COLEC12: variants seen among roughly 807,000 people sequenced by gnomAD.
The protein encoded by COLEC12 is collectin-12.
In COLEC12, 33 loss-of-function variants were observed where a neutral mutation model predicts 71.1. The ratio of observed to expected loss-of-function variants is 0.46; its 90% confidence interval spans 0.35 to 0.62. COLEC12 has a LOEUF of 0.62. COLEC12 is among the 20% of genes least tolerant of loss of function. The pLI is 0.00. For synonymous variants in COLEC12, 350 were observed against 353.0 expected, an observed-to-expected ratio of 0.99 and a Z score of 0.10; for missense variants, 765 against 916.1, an observed-to-expected ratio of 0.84 and a Z score of 2.13.
At position 333,137 on chromosome 18, in the gene COLEC12, G is replaced by A. The variant is rs139504960; in HGVS notation, c.1823C>T (p.Pro608Leu). The A allele has an allele frequency of 1.4e-4, 223 of 1,601,328 alleles. No individual in the cohort carries two copies. Among genetic ancestry groups the A allele is most frequent in the Non-Finnish European group, 1.8e-4 (215 of 1,175,838 alleles). The change falls in exon 7 of 10, where the codon CCG becomes CTG. Residue 608 changes from proline (P) to leucine (L), a missense_variant. Pro to Leu is a moderately conservative substitution (Grantham distance 98). Transcript: ENST00000400256. ...GTCTGTGAAGTTCTTCCAGTGAGGC[G>A]GGCAGCCTAGGAATGCAAAAGTGGA... ...PTPAPEDNGC[P>L]PHWKNFTDKC...
At chr18:400,585 G>A (rs1301616267) in intron 2 of COLEC12, among the ~76,000 whole-genome samples, 3 of 152,174 alleles carry the variant, frequency 2.0e-5, no homozygotes, top group African/African-American at 7.2e-5. Context: ...CAAACCCAGA[G>A]GTTGCGCAGA....
At chr18:323,306 G>A (rs934207303) in intron 8 of COLEC12, among the ~76,000 whole-genome samples, 1 of 152,112 alleles carries the variant, frequency 6.6e-6, no homozygotes. Flanking sequence ...GGAAACCATC[G>A]ATTGGTGAGA....
intron 2 of COLEC12, among the ~76,000 whole-genome samples, chr18:455,008 G>C (rs563580721): frequency 6.6e-6 from 1 of 152,086 alleles, no homozygotes; most frequent in Admixed American, 6.5e-5. Context: ...CATACTTGAC[G>C]ATCACAGATG....
chr18:470,904 G>A (rs569867758), intron 2 of COLEC12, among the ~76,000 whole-genome samples: 19 of 152,272 alleles, frequency 1.2e-4, no homozygotes, highest in South Asian at 1.0e-3. Context: ...ATATTTTCCC[G>A]TTTCACAGAA....
intron 2 of COLEC12, among the ~76,000 whole-genome samples, chr18:385,736 T>C (rs1289769461): frequency 6.6e-6 from 1 of 152,146 alleles, no homozygotes; most frequent in African/African-American, 2.4e-5. Context: ...TGTTTCCCCA[T>C]AGAGATAATG....
chr18:317,504 T>C lies in COLEC12; in HGVS notation c.*2541A>G, dbSNP rs946336797. 6.6e-6 allele frequency: 1 copy of C among 152,176 alleles called. No homozygotes were observed. Among genetic ancestry groups the C allele is most frequent in the Non-Finnish European group, 1.5e-5 (1 of 68,042 alleles). The allele number at this position is 152,176 out of a possible 1,614,324, so 9.4% of individuals were successfully genotyped here. ...AGTAAGACCTGCTTCCTAGGGCTGT[T>C]GGGAGGATCAGGTGAGACAATCTGA... On this transcript the variant is annotated 3_prime_UTR_variant, in exon 10 of 10. Transcript: ENST00000400256.
intron 5 of COLEC12, among the ~76,000 whole-genome samples, chr18:340,932 A>G (rs1914236907): frequency 6.6e-6 from 1 of 152,124 alleles, no homozygotes; most frequent in Admixed American, 6.5e-5. Context: ...TTTCTTGCCA[A>G]TTGTCCATGG....
In COLEC12 at chr18:346,183, C is replaced by A. The variant is rs1239185268; in HGVS notation, c.1327+112G>T. 7.5e-6 allele frequency: 6 copies of A among 804,854 alleles called. No individual in the cohort carries two copies. The highest frequency in any genetic ancestry group is 3.6e-4 in the Middle Eastern group (1 of 2,780). 49.9% of individuals were successfully genotyped at this position (804,854 alleles called of 1,614,324 possible). ...AAGCTGCTCTTGAATTCCTGGTCCA[C>A]AAAAACTATGAGATGATGAATATTT... is the stretch of plus-strand genomic sequence containing the variant. On this transcript the variant is annotated intron_variant, in intron 5 of 9. Transcript: ENST00000400256. This position sits in a 1 kb window ranked among gnomAD's most constrained non-coding sequence, Gnocchi z 4.0.
At chr18:463,036 G>A (rs1917013183) in intron 2 of COLEC12, among the ~76,000 whole-genome samples, 1 of 152,188 alleles carries the variant, frequency 6.6e-6, no homozygotes, top group Non-Finnish European at 1.5e-5. Context: ...AAGCGGGGGA[G>A]TCAGGGAGAG....
intron 2 of COLEC12, among the ~76,000 whole-genome samples, chr18:419,242 C>T (rs1421571943): frequency 6.6e-6 from 1 of 151,360 alleles, no homozygotes. Context: ...TGCTCTGTTG[C>T]TCTGTTGCAC....
intron 8 of COLEC12, among the ~76,000 whole-genome samples, chr18:324,055 G>T (rs1913778167): frequency 6.6e-6 from 1 of 151,998 alleles, no homozygotes. Context: ...ATAAGCGGAG[G>T]TGACTGCAGT....
chr18:331,664 T>C lies in COLEC12; in HGVS notation c.2063+4A>G. The C allele has an allele frequency of 6.3e-7, 1 of 1,585,252 alleles. No homozygotes were observed. The highest frequency in any genetic ancestry group is 8.7e-7 in the Non-Finnish European group (1 of 1,153,754). On this transcript the variant is annotated splice_donor_region_variant and intron_variant, in intron 8 of 9. Transcript: ENST00000400256. ...CACCAATCTGGAAGCTTCTGAGTAC[T>C]TACTTGTAGTCTGGAGATGTCCCAT... is the stretch of plus-strand genomic sequence containing the variant.
intron 8 of COLEC12, among the ~76,000 whole-genome samples, chr18:324,181 G>C (rs539642087): frequency 4.6e-5 from 7 of 152,204 alleles, no homozygotes; most frequent in African/African-American, 1.7e-4. Context: ...AAATCACATG[G>C]AGTGATTTGT....
intron 5 of COLEC12, 145 bp from the exon 6 acceptor site, chr18:335,375 C>T (rs1914095977): frequency 2.4e-6 from 2 of 842,812 alleles, no homozygotes; most frequent in Non-Finnish European, 1.7e-6. Flanking sequence ...GTTTATCATA[C>T]TACTGTAGAC....
At chr18:385,491 A>AT (rs1915326866) in intron 2 of COLEC12, among the ~76,000 whole-genome samples, 2 of 151,712 alleles carry the variant, frequency 1.3e-5, no homozygotes, top group African/African-American at 4.8e-5. Context: ...CACCAAGCTA[A>AT]TTTTTGTATT....
rs62090015 is a variant in COLEC12, at chr18:453,234, T to C, written c.58+27473A>G. Among the ~76,000 whole-genome samples the C allele has an allele frequency of 8.3e-3, 1,261 of 152,208 alleles. 8 individuals carry two copies. Among genetic ancestry groups the C allele is most frequent in the Admixed American group, 0.012 (191 of 15,288 alleles). ...GGCTTGTTCTGGAGATCACCAAAGA[T>C]AGGAACGTGCTAGGAGACACAAGGA... On this transcript the variant is annotated intron_variant, in intron 2 of 9. Coordinates refer to ENST00000400256, the MANE Select transcript of COLEC12 (RefSeq NM_130386.3).
Position 500,663 on chromosome 18 carries a change from C to G in COLEC12, c.-149G>C, listed in dbSNP as rs1425592518. ...CGCCCCCGTCCTCCCTCGCCGCCGC[C>G]GGCCCGCGCTCCCCGCGCTCCCGGC... On this transcript the variant is annotated 5_prime_UTR_variant, in exon 1 of 10. Transcript: ENST00000400256. This position sits in a 1 kb window ranked among gnomAD's most constrained non-coding sequence, Gnocchi z 5.3. 2.1e-6 allele frequency: 1 copy of G among 465,208 alleles called. No individual in the cohort carries two copies. The highest frequency in any genetic ancestry group is 3.0e-6 in the Non-Finnish European group (1 of 332,792). 28.8% of individuals were successfully genotyped at this position (465,208 alleles called of 1,614,324 possible).
At chr18:479,829 T>C (rs968640510) in intron 2 of COLEC12, among the ~76,000 whole-genome samples, 4 of 152,212 alleles carry the variant, frequency 2.6e-5, no homozygotes, top group Non-Finnish European at 5.9e-5. Context: ...ACGTGCTGGC[T>C]TAAACAATAC....
intron 2 of COLEC12, among the ~76,000 whole-genome samples, chr18:473,289 G>GT (rs1335080549): frequency 2.0e-5 from 3 of 152,174 alleles, no homozygotes; most frequent in Middle Eastern, 3.2e-3. Flanking sequence ...GAGGATCGTA[G>GT]TTTTTTCTCA....
Sources: gnomAD v4.1 joint callset for allele counts (sites outside exome capture counted in the v4.1 genomes callset) on GRCh38, gnomAD v4.1.1 for gene constraint, Gnocchi (gnomAD v3.1) non-coding constraint, MANE v1.5 for transcripts, NCBI Gene and HGNC (gene_info 2026-07-23, HGNC 2026-07-21) for gene names.